ENTHD1: variants seen among roughly 807,000 people sequenced by gnomAD.
The protein encoded by ENTHD1 is ENTH domain-containing protein 1.
A neutral mutation model predicts 39.1 loss-of-function variants in ENTHD1; 23 were observed. The ratio of observed to expected loss-of-function variants is 0.59; its 90% CI spans 0.42 to 0.83. ENTHD1 has a LOEUF of 0.83. ENTHD1 is among the 40% of genes least tolerant of loss of function. The pLI, the probability that ENTHD1 is intolerant of heterozygous loss-of-function variation, is 0.00. For missense variants in ENTHD1, 624 were observed against 705.4 expected (o/e 0.88, Z 1.31); for synonymous variants, 230 against 258.2 (o/e 0.89, Z 1.05).
At chr22:39,835,810 T>C (rs1363607649) in intron 4 of ENTHD1, 30 bp downstream of exon 4, 1 of 1,492,422 alleles carries the variant, frequency 6.7e-7, no homozygotes, top group Admixed American at 1.8e-5. Flanking sequence ...AGTGATTTAT[T>C]ACAGCAGCTA....
At chr22:39,879,500 T>C (rs2066319170) in intron 2 of ENTHD1, among the ~76,000 whole-genome samples, 1 of 138,134 alleles carries the variant, frequency 7.2e-6, no homozygotes, top group Non-Finnish European at 1.5e-5. Context: ...GATATACAGA[T>C]GGCAAGTAAG....
chr22:39,835,940 C>T lies in ENTHD1; in HGVS notation c.611G>A (p.Gly204Glu). ...ATCTTGGCAATGCTCTTGTTTCAATCCTGCCTTGCACACATTTCCTGTCAA... is the reference window on the plus strand; with the variant it reads ...ATCTTGGCAATGCTCTTGTTTCAATTCTGCCTTGCACACATTTCCTGTCAA... ...LHNKRNVCKA[G>E]LKQEHCQDVH... The change falls in exon 4 of 7, where the codon GGA (glycine) becomes GAA (glutamate). Residue 204 changes from glycine (G) to glutamate (E), a missense_variant. Coordinates refer to ENST00000325157, the MANE Select transcript of ENTHD1 (RefSeq NM_152512.4). The T allele has an allele frequency of 6.2e-7, 1 of 1,607,434 alleles. No individual in the cohort carries two copies. The highest frequency in any genetic ancestry group is 8.5e-7 in the Non-Finnish European group (1 of 1,176,464).
At chr22:39,852,272 G>T (rs1236190985) in intron 3 of ENTHD1, among the ~76,000 whole-genome samples, 1 of 152,106 alleles carries the variant, frequency 6.6e-6, no homozygotes. Context: ...CCTGAGCCCA[G>T]GGAGGTCAAG....
intron 4 of ENTHD1, among the ~76,000 whole-genome samples, chr22:39,829,487 A>G (rs1026139543): frequency 5.9e-5 from 9 of 152,064 alleles, no homozygotes; most frequent in African/African-American, 2.2e-4. Flanking sequence ...CTGATCTCAA[A>G]TTTTAAAATC....
At chr22:39,858,253 C>T (rs1482398498) in intron 3 of ENTHD1, among the ~76,000 whole-genome samples, 1 of 152,228 alleles carries the variant, frequency 6.6e-6, no homozygotes, top group Non-Finnish European at 1.5e-5. Flanking sequence ...ATTTTCTTTG[C>T]TCATCCATAA....
At chr22:39,877,903 G>GA (rs1278444672) in intron 2 of ENTHD1, among the ~76,000 whole-genome samples, 3 of 151,980 alleles carry the variant, frequency 2.0e-5, no homozygotes, top group Non-Finnish European at 2.9e-5. Flanking sequence ...CAGCTATCAA[G>GA]AAAAAATCAT....
rs776035598 is a variant in ENTHD1 at position 39,765,621 on chromosome 22, C to A, written c.833-12G>T. On this transcript the variant is annotated splice_polypyrimidine_tract_variant and intron_variant, in intron 5 of 6. Transcript: ENST00000325157. ...AGTAGGCACAGCATCTATAAAAGAA[C>A]AAATAAGAGCTATAATCAAAAAATA... is the stretch of plus-strand genomic sequence containing the variant. The A allele has an allele frequency of 6.3e-7, 1 of 1,575,626 alleles. No homozygotes were observed. The highest frequency in any genetic ancestry group is 8.6e-7 in the Non-Finnish European group (1 of 1,163,802).
At chr22:39,750,214 G>T in intron 6 of ENTHD1, 1 of 199,046 alleles carries the variant, frequency 5.0e-6, no homozygotes, top group South Asian at 1.0e-4. Flanking sequence ...TCATATTAAT[G>T]AGAAAATGCT....
intron 2 of ENTHD1, among the ~76,000 whole-genome samples, chr22:39,876,745 A>G (rs1311500618): frequency 6.6e-6 from 1 of 152,198 alleles, no homozygotes; most frequent in East Asian, 1.9e-4. Flanking sequence ...TTAAAAAGTA[A>G]TTTGTAGTGA....
rs1400139194 is a variant in ENTHD1, at chr22:39,853,570, C to A, written c.592+8195G>T. Among the ~76,000 whole-genome samples the A allele has an allele frequency of 2.0e-5, 3 of 151,964 alleles. No homozygotes were observed. The South Asian group carries it at 6.2e-4, about 32-fold the overall frequency. ...CAAAAAAAACCAAAACACTTTTATT[C>A]TTCTTCTTATTATTATTTTTTGAGA... is the stretch of plus-strand genomic sequence containing the variant. On this transcript the variant is annotated intron_variant, in intron 3 of 6. Transcript: ENST00000325157.
At chr22:39,761,853 G>C (rs985033900) in intron 6 of ENTHD1, among the ~76,000 whole-genome samples, 2 of 152,014 alleles carry the variant, frequency 1.3e-5, no homozygotes, top group African/African-American at 2.4e-5. Context: ...TTCTTAAATG[G>C]ATTTGTAATA....
chr22:39,765,920 C>T (rs1292227911), intron 5 of ENTHD1, among the ~76,000 whole-genome samples: 1 of 147,188 alleles, frequency 6.8e-6, no homozygotes, highest in Non-Finnish European at 1.5e-5. Flanking sequence ...GCTGAAACCA[C>T]CATATTTTTA....
At chr22:39,889,439 G>A (rs1181565294) in intron 1 of ENTHD1, among the ~76,000 whole-genome samples, 2 of 152,126 alleles carry the variant, frequency 1.3e-5, no homozygotes, top group African/African-American at 2.4e-5. Context: ...AATTTCTCTA[G>A]TGATTCACCA....
In ENTHD1 at chr22:39,888,417, G is replaced by A. The variant is rs184851630; in HGVS notation, c.-155-514C>T. ...CAAGCAGCTGGAACTATAGGTGTGCGCCACCATGCCTGGCTATTTTTTTTT... is the reference window on the plus strand; with the variant it reads ...CAAGCAGCTGGAACTATAGGTGTGCACCACCATGCCTGGCTATTTTTTTTT... On this transcript the variant is annotated intron_variant, in intron 1 of 6. Transcript: ENST00000325157. 4.6e-5 allele frequency among the ~76,000 whole-genome samples: 7 copies of A among 151,432 alleles called. No individual in the cohort carries two copies. The East Asian group carries it at 5.8e-4, about 13-fold the overall frequency.
chr22:39,762,504 C>T (rs138880572), intron 6 of ENTHD1, among the ~76,000 whole-genome samples: 3 of 152,054 alleles, frequency 2.0e-5, no homozygotes, highest in African/African-American at 7.2e-5. Context: ...CAGGCTAAAG[C>T]GCAGTGGCAT....
At chr22:39,800,641 T>A (rs2065591444) in intron 5 of ENTHD1, among the ~76,000 whole-genome samples, 1 of 152,212 alleles carries the variant, frequency 6.6e-6, no homozygotes, top group Non-Finnish European at 1.5e-5. Flanking sequence ...GATATAGCAT[T>A]TGCCTTCAGG....
intron 5 of ENTHD1, among the ~76,000 whole-genome samples, chr22:39,793,233 T>G (rs2065519162): frequency 6.6e-6 from 1 of 152,120 alleles, no homozygotes; most frequent in Non-Finnish European, 1.5e-5. Flanking sequence ...ATATGTCTTT[T>G]ATACTTTTTA....
At chr22:39,805,451 G>A (rs1359257017) in intron 5 of ENTHD1, among the ~76,000 whole-genome samples, 1 of 152,192 alleles carries the variant, frequency 6.6e-6, no homozygotes, top group Non-Finnish European at 1.5e-5. Context: ...AGGGCCTCAG[G>A]TTGGGGACAT....
intron 2 of ENTHD1, among the ~76,000 whole-genome samples, chr22:39,882,261 T>C (rs911266282): frequency 9.9e-5 from 15 of 152,200 alleles, no homozygotes; most frequent in African/African-American, 3.6e-4. Context: ...AAGCACTGCT[T>C]TGATATTATG....
Sources: gnomAD v4.1 joint callset for allele counts (sites outside exome capture counted in the v4.1 genomes callset) on GRCh38, gnomAD v4.1.1 for gene constraint, MANE v1.5 for transcripts, NCBI Gene and HGNC (gene_info 2026-07-23, HGNC 2026-07-21) for gene names.